RAP1GAP2: variants seen among roughly 807,000 people sequenced by gnomAD.
The protein encoded by RAP1GAP2 is RAP1 GTPase activating protein 2.
A neutral mutation model predicts 95.0 loss-of-function variants in RAP1GAP2; 27 were observed. The ratio of observed to expected loss-of-function variants is 0.28; its 90% confidence interval spans 0.21 to 0.39. The LOEUF is 0.39. RAP1GAP2 is among the 10% of genes least tolerant of loss of function. RAP1GAP2 has a pLI of 1.00. For missense variants in RAP1GAP2, 771 were observed against 970.0 expected (o/e 0.79, Z 2.72); for synonymous variants, 373 against 380.9 (o/e 0.98, Z 0.24).
At chr17:2,923,639 C>T (rs1240182683) in intron 3 of RAP1GAP2, among the ~76,000 whole-genome samples, 2 of 147,060 alleles carry the variant, frequency 1.4e-5, no homozygotes, top group Non-Finnish European at 3.0e-5. Context: ...CGGCTGTTTT[C>T]TTAGATAATT....
rs2047486616 is a variant in RAP1GAP2 at position 3,037,143 on chromosome 17, A to G, written c.*3782A>G. On this transcript the variant is annotated 3_prime_UTR_variant, in exon 25 of 25. Transcript: ENST00000254695. ...CCAGCCCCTTGTACACCCCAATCCC[A>G]TGTCTCCCTCCCTTCAGCTGGACCG... The G allele has an allele frequency of 6.6e-6, 1 of 152,362 alleles. No individual in the cohort carries two copies. Among genetic ancestry groups the G allele is most frequent in the South Asian group, 2.1e-4 (1 of 4,814 alleles). The allele number at this position is 152,362 out of a possible 1,614,324, so 9.4% of individuals were successfully genotyped here. A position where few individuals can be genotyped will look rare whatever the true frequency, so the allele number is the denominator to read the frequency against.
chr17:2,867,792 G>A lies in RAP1GAP2; in HGVS notation c.81-37492G>A, dbSNP rs2072676074. Among the ~76,000 whole-genome samples, 1 of 152,138 alleles carries A rather than the reference G, an allele frequency of 6.6e-6. No individual in the cohort carries two copies. Among genetic ancestry groups the A allele is most frequent in the Non-Finnish European group, 1.5e-5 (1 of 68,034 alleles). ...AGCTGTCCACTCTGCTGGCCCTAGT[G>A]GCTTAGTTGATGCTGATCTTGGCAC... On this transcript the variant is annotated intron_variant, in intron 2 of 24. Coordinates refer to ENST00000254695, the MANE Select transcript of RAP1GAP2 (RefSeq NM_015085.5). The surrounding 1 kb of genome is among the most constrained non-coding windows in gnomAD (Gnocchi z 4.5).
chr17:2,845,485 T>C (rs2071543892), intron 2 of RAP1GAP2, among the ~76,000 whole-genome samples: 2 of 152,258 alleles, frequency 1.3e-5, no homozygotes, highest in Non-Finnish European at 2.9e-5. Context: ...CATCCTGATA[T>C]AGAACATTTC....
chr17:2,802,594 C>T (rs1217550498), intron 2 of RAP1GAP2, among the ~76,000 whole-genome samples: 1 of 152,056 alleles, frequency 6.6e-6, no homozygotes. Flanking sequence ...ACCTGTAATC[C>T]CAGCTACTCG....
chr17:3,030,016 T>A lies in RAP1GAP2; in HGVS notation c.2108-906T>A, dbSNP rs2047240822. On this transcript the variant is annotated intron_variant, in intron 22 of 24. Transcript: ENST00000254695. ...ATGAATGTGGACTGATATTACCATG[T>A]TTGTTAATAAGTATTTTATATGTAT... Among the ~76,000 whole-genome samples, 5 of 149,818 alleles carry A rather than the reference T, an allele frequency of 3.3e-5. No individual in the cohort carries two copies. In the Admixed American group the frequency reaches 3.3e-4, roughly 10 times the overall value.
At chr17:2,832,062 G>A (rs1455372511) in intron 2 of RAP1GAP2, among the ~76,000 whole-genome samples, 1 of 151,228 alleles carries the variant, frequency 6.6e-6, no homozygotes, top group Admixed American at 6.6e-5. Context: ...AAATTAGATG[G>A]GCTTGGTGGT....
chr17:2,927,992 A>T (rs1437593868), intron 3 of RAP1GAP2, among the ~76,000 whole-genome samples: 1 of 152,156 alleles, frequency 6.6e-6, no homozygotes, highest in Non-Finnish European at 1.5e-5. Context: ...GAGAAGAGGG[A>T]CATAGCACAC....
chr17:2,771,486 G>T (rs199929512), intron 2 of RAP1GAP2, among the ~76,000 whole-genome samples: 10,347 of 123,308 alleles, frequency 0.084, 517 homozygotes, highest in East Asian at 0.25. Flanking sequence ...CCACTTTTTT[G>T]TTTTTTTTTT....
chr17:2,854,407 C>T (rs1020881738), intron 2 of RAP1GAP2, among the ~76,000 whole-genome samples: 6 of 152,244 alleles, frequency 3.9e-5, no homozygotes, highest in African/African-American at 1.4e-4. Context: ...GTTCCCCAAG[C>T]CTGCAGCCGC....
intron 1 of RAP1GAP2, among the ~76,000 whole-genome samples, chr17:2,757,851 G>T (rs2151752839): frequency 6.6e-6 from 1 of 151,982 alleles, no homozygotes; most frequent in Middle Eastern, 3.4e-3. Flanking sequence ...TTGTTTCTTG[G>T]GCTGGACCTG....
At chr17:2,972,405 G>GCA in intron 8 of RAP1GAP2, among the ~76,000 whole-genome samples, 1 of 152,234 alleles carries the variant, frequency 6.6e-6, no homozygotes, top group Admixed American at 6.5e-5. Context: ...CAAGGCGAGT[G>GCA]GATCACCTGA....
chr17:2,897,920 T>C (rs2041893369), intron 2 of RAP1GAP2, among the ~76,000 whole-genome samples: 1 of 67,418 alleles, frequency 1.5e-5, no homozygotes, highest in Non-Finnish European at 2.6e-5. Flanking sequence ...TTCTGCGGAG[T>C]CTTTTTTTTT....
At chr17:2,883,829 A>T (rs2073389487) in intron 2 of RAP1GAP2, among the ~76,000 whole-genome samples, 1 of 152,210 alleles carries the variant, frequency 6.6e-6, no homozygotes, top group African/African-American at 2.4e-5. Flanking sequence ...TGTGACCCAG[A>T]TAGGGAGGTG....
intron 2 of RAP1GAP2, among the ~76,000 whole-genome samples, chr17:2,896,966 T>C (rs1470854208): frequency 2.0e-5 from 3 of 152,150 alleles, no homozygotes; most frequent in Non-Finnish European, 4.4e-5. Flanking sequence ...CTCTGTCTGC[T>C]CTATGCAGGG....
chr17:2,809,126 G>A (rs1368526132), intron 2 of RAP1GAP2, among the ~76,000 whole-genome samples: 2 of 152,130 alleles, frequency 1.3e-5, no homozygotes. Flanking sequence ...CCTCCTCCTG[G>A]CCAGTCCCTG....
intron 2 of RAP1GAP2, among the ~76,000 whole-genome samples, chr17:2,896,929 T>A (rs867899991): frequency 6.6e-6 from 1 of 152,266 alleles, no homozygotes; most frequent in African/African-American, 2.4e-5. Flanking sequence ...AGCCGGCTCA[T>A]CTCCTGCACA....
intron 2 of RAP1GAP2, among the ~76,000 whole-genome samples, chr17:2,835,905 C>G (rs2071104944): frequency 6.6e-6 from 1 of 152,152 alleles, no homozygotes; most frequent in Admixed American, 6.6e-5. Flanking sequence ...GGAAGGGAGA[C>G]ACTCCTGTTT....
At chr17:2,756,194 C>G (rs1038689000) in intron 1 of RAP1GAP2, among the ~76,000 whole-genome samples, 2 of 152,256 alleles carry the variant, frequency 1.3e-5, no homozygotes, top group South Asian at 2.1e-4. Context: ...GAGAAGGCAC[C>G]ACCCACAGCC....
At chr17:2,897,513 CA>C (rs1322137329) in intron 2 of RAP1GAP2, among the ~76,000 whole-genome samples, 3 of 151,432 alleles carry the variant, frequency 2.0e-5, no homozygotes, top group African/African-American at 7.3e-5. Context: ...TGGGATCAAG[CA>C]ATTTCTGGCT....
Sources: gnomAD v4.1 joint callset for allele counts (sites outside exome capture counted in the v4.1 genomes callset) on GRCh38, gnomAD v4.1.1 for gene constraint, Gnocchi (gnomAD v3.1) non-coding constraint, MANE v1.5 for transcripts, NCBI Gene and HGNC (gene_info 2026-07-23, HGNC 2026-07-21) for gene names.